Variants in NANP observed in about 807,000 individuals in gnomAD.
The protein encoded by NANP is N-acylneuraminate-9-phosphatase.
A neutral mutation model predicts 16.9 loss-of-function variants in NANP; 15 were observed. The observed-to-expected ratio is 0.89, with a 90% CI of 0.59 to 1.37. The LOEUF (loss-of-function observed/expected upper bound fraction) is 1.37. Among genes scored for constraint, NANP ranks in the 40% most tolerant of loss-of-function variants. The probability of loss-of-function intolerance (pLI) is 0.00; values close to 1 mark genes in which losing one functional copy is unlikely to be tolerated. For missense variants in NANP, 290 were observed against 303.5 expected, an observed-to-expected ratio of 0.96 and a Z score of 0.33; for synonymous variants, 135 against 112.6, an observed-to-expected ratio of 1.20 and a Z score of -1.26.
At position 25,615,674 on chromosome 20, in the gene NANP, C is replaced by A; in HGVS notation, c.*251G>T. ...TACAGACTAACAAATAATATATTTCCTTAAATTTTCTGGGCTATACTACTG... is the reference window on the plus strand; with the variant it reads ...TACAGACTAACAAATAATATATTTCATTAAATTTTCTGGGCTATACTACTG... On this transcript the variant is annotated 3_prime_UTR_variant, in exon 2 of 2. Transcript: ENST00000304788. The A allele has an allele frequency of 2.6e-6, 1 of 388,776 alleles. No individual in the cohort carries two copies. The highest frequency in any genetic ancestry group is 4.5e-6 in the Non-Finnish European group (1 of 219,912). 24.1% of individuals were successfully genotyped at this position (388,776 alleles called of 1,614,324 possible).
chr20:25,619,480 G>A (rs2065356911), intron 1 of NANP, among the ~76,000 whole-genome samples: 1 of 151,278 alleles, frequency 6.6e-6, no homozygotes, highest in Admixed American at 6.6e-5. Flanking sequence ...AGAAGACTTG[G>A]CCATATGAGA....
At chr20:25,621,804 C>T (rs1174358187) in intron 1 of NANP, among the ~76,000 whole-genome samples, 3 of 152,212 alleles carry the variant, frequency 2.0e-5, no homozygotes, top group East Asian at 1.9e-4. Flanking sequence ...CTGCCCATCT[C>T]GGTCTCCCAA....
chr20:25,616,854 A>G (rs1217873378), intron 1 of NANP, among the ~76,000 whole-genome samples: 1 of 152,196 alleles, frequency 6.6e-6, no homozygotes, highest in Non-Finnish European at 1.5e-5. Context: ...TTAGAGTCCA[A>G]CATCTTTCAT....
At position 25,615,668 on chromosome 20, in the gene NANP, T is replaced by C. The variant is rs1046096129; in HGVS notation, c.*257A>G. On this transcript the variant is annotated 3_prime_UTR_variant, in exon 2 of 2. Coordinates refer to ENST00000304788, the MANE Select transcript of NANP (RefSeq NM_152667.3). The stretch of plus-strand genomic sequence containing the variant: ...TCCAGATACAGACTAACAAATAATA[T>C]ATTTCCTTAAATTTTCTGGGCTATA... The C allele has an allele frequency of 1.6e-5, 6 of 385,718 alleles. No homozygotes were observed. In the South Asian group the frequency reaches 3.8e-4, roughly 25 times the overall value. 23.9% of individuals were successfully genotyped at this position (385,718 alleles called of 1,614,324 possible). A position where few individuals can be genotyped will look rare whatever the true frequency, so the allele number is the denominator to read the frequency against.
intron 1 of NANP, among the ~76,000 whole-genome samples, chr20:25,622,303 G>A (rs1285649852): frequency 2.6e-5 from 4 of 152,216 alleles, no homozygotes; most frequent in Non-Finnish European, 5.9e-5. Context: ...GACAGCGTAC[G>A]AGGGTGGAAG....
At chr20:25,618,629 T>C (rs2065352890) in intron 1 of NANP, among the ~76,000 whole-genome samples, 1 of 152,024 alleles carries the variant, frequency 6.6e-6, no homozygotes, top group Non-Finnish European at 1.5e-5. Flanking sequence ...CAAGGGTATC[T>C]ATACACACAG....
Sources: allele counts gnomAD v4.1 joint callset (sites outside exome capture counted in the v4.1 genomes callset), GRCh38; gene constraint gnomAD v4.1.1; transcripts MANE v1.5; gene names NCBI Gene and HGNC (gene_info 2026-07-23, HGNC 2026-07-21).